KIF23: variants seen among roughly 807,000 people sequenced by gnomAD.
KIF23 encodes the protein kinesin family member 23.
In KIF23, 30 loss-of-function variants were observed where a neutral mutation model predicts 137.5. That is an observed-to-expected ratio of 0.22 (90% CI 0.16 to 0.30). The LOEUF is 0.30. Among genes scored for constraint, KIF23 ranks in the 10% least tolerant of loss-of-function variants. The probability of loss-of-function intolerance (pLI) is 1.00; values close to 1 mark genes in which losing one functional copy is unlikely to be tolerated. For missense variants in KIF23, 920 were observed against 1,194.3 expected, an observed-to-expected ratio of 0.77 and a Z score of 3.38; for synonymous variants, 367 against 391.1, an observed-to-expected ratio of 0.94 and a Z score of 0.73.
At chr15:69,433,123 T>C (rs879693809) in intron 11 of KIF23, among the ~76,000 whole-genome samples, 9 of 152,166 alleles carry the variant, frequency 5.9e-5, no homozygotes, top group African/African-American at 9.7e-5. Context: ...GTTAATAACA[T>C]GAGTTCCTGA....
At position 69,442,090 on chromosome 15, in the gene KIF23, G is replaced by C. The variant is rs73428003; in HGVS notation, c.2421+1011G>C. Among the ~76,000 whole-genome samples the C allele has an allele frequency of 6.3e-3, 957 of 152,180 alleles. 7 individuals carry two copies. Among genetic ancestry groups the C allele is most frequent in the African/African-American group, 0.022 (903 of 41,530 alleles). ...TTTTTCAATCCATGATACTATGAAAGTGTATGCATTGCATATCATGATTAT... is the reference window on the plus strand; with the variant it reads ...TTTTTCAATCCATGATACTATGAAACTGTATGCATTGCATATCATGATTAT... On this transcript the variant is annotated intron_variant, in intron 19 of 23. Transcript: ENST00000679126.
chr15:69,435,198 G>A (rs763373139), intron 11 of KIF23: 4 of 474,114 alleles, frequency 8.4e-6, no homozygotes, highest in South Asian at 8.3e-5. Context: ...AGAGAATTTA[G>A]GATTTGGAAG....
At chr15:69,433,328 T>C (rs1463172928) in intron 11 of KIF23, among the ~76,000 whole-genome samples, 2 of 152,230 alleles carry the variant, frequency 1.3e-5, no homozygotes, top group African/African-American at 2.4e-5. Context: ...CTCATTCTTA[T>C]GGGGTCTAAT....
Position 69,444,598 on chromosome 15 carries a change from G to A in KIF23, c.2422-192G>A. The A allele has an allele frequency of 3.4e-6, 2 of 587,762 alleles. No individual in the cohort carries two copies. The highest frequency in any genetic ancestry group is 5.8e-6 in the Non-Finnish European group (2 of 343,896). The allele number at this position is 587,762 out of a possible 1,614,324, so 36.4% of individuals were successfully genotyped here. On this transcript the variant is annotated intron_variant, in intron 19 of 23. Transcript: ENST00000679126. This position sits in a 1 kb window ranked among gnomAD's most constrained non-coding sequence, Gnocchi z 4.2. The stretch of plus-strand genomic sequence containing the variant: ...AAAGGGAAACTCCCAGATAGAATGT[G>A]TAACATACAAGTTGGTGTTAAAGAT...
In KIF23 at chr15:69,447,921, C is replaced by A; in HGVS notation, c.*114C>A. ...GTAGAACTCCAGCTTTGTTGAAAAT[C>A]ACGGACCTCAGCTACATCATACACT... On this transcript the variant is annotated 3_prime_UTR_variant, in exon 24 of 24. Coordinates refer to ENST00000679126, the MANE Select transcript of KIF23 (RefSeq NM_001367805.3). 2.8e-6 allele frequency: 3 copies of A among 1,087,692 alleles called. No individual in the cohort carries two copies. Among genetic ancestry groups the A allele is most frequent in the Non-Finnish European group, 2.8e-6 (2 of 723,228 alleles). 67.4% of individuals were successfully genotyped at this position (1,087,692 alleles called of 1,614,324 possible).
chr15:69,443,768 C>G lies in KIF23; in HGVS notation c.2422-1022C>G, dbSNP rs564821217. ...ATTTAGCATTCCCAGGTTTACATGA[C>G]ATTTGACTGGAAGCAACTTGTTTGT... On this transcript the variant is annotated intron_variant, in intron 19 of 23. Transcript: ENST00000679126. The G allele has an allele frequency of 2.0e-5, 3 of 151,980 alleles. No homozygotes were observed. In the South Asian group the frequency reaches 6.2e-4, roughly 32 times the overall value. The allele number at this position is 151,980 out of a possible 1,614,324, so 9.4% of individuals were successfully genotyped here. A position where few individuals can be genotyped will look rare whatever the true frequency, so the allele number is the denominator to read the frequency against.
chr15:69,419,790 A>G (rs1396172444), intron 3 of KIF23, among the ~76,000 whole-genome samples: 1 of 152,172 alleles, frequency 6.6e-6, no homozygotes, highest in African/African-American at 2.4e-5. Flanking sequence ...GGTTTTTTGG[A>G]GGAGCAGGTC....
Position 69,426,434 on chromosome 15 carries a change from G to A in KIF23, c.988G>A (p.Ala330Thr), listed in dbSNP as rs1157804939. The change falls in exon 10 of 24, where the codon GCA becomes ACA. Residue 330 changes from alanine (A) to threonine (T), a missense_variant. By Grantham distance (58) the Ala-to-Thr change is moderately conservative. Transcript: ENST00000679126. ...TAAATTAGTTCAGGCTCCCTTGGAT[G>A]CAGATGGAGACAATGTCTTACAGGT... ...NIKLVQAPLDADGDNVLQEKE... is the reference protein window; with the variant it reads ...NIKLVQAPLDTDGDNVLQEKE... The A allele has an allele frequency of 1.9e-6, 3 of 1,614,044 alleles. No individual in the cohort carries two copies. In the African/African-American group the frequency reaches 4.0e-5, roughly 22 times the overall value.
At chr15:69,446,780 A>T in intron 22 of KIF23, 91 bp from the exon 23 acceptor site, 2 of 1,123,336 alleles carry the variant, frequency 1.8e-6, no homozygotes, top group Non-Finnish European at 2.7e-6. Flanking sequence ...GCAATATTGC[A>T]TTTCACCTAG....
rs758672998 is a variant in KIF23 at position 69,447,810 on chromosome 15, T to G, written c.*3T>G. On this transcript the variant is annotated 3_prime_UTR_variant, in exon 24 of 24. Coordinates refer to ENST00000679126, the MANE Select transcript of KIF23 (RefSeq NM_001367805.3). Reference sequence around the variant, plus strand: ...GTTTTAGGCGCAAAAAGCCATGAACTGACAGTCCCAGTACTGAAAGAACAT... The same window carrying G: ...GTTTTAGGCGCAAAAAGCCATGAACGGACAGTCCCAGTACTGAAAGAACAT... 3 of 1,609,566 alleles carry G rather than the reference T, an allele frequency of 1.9e-6. No homozygotes were observed. Among genetic ancestry groups the G allele is most frequent in the East Asian group, 2.2e-5 (1 of 44,804 alleles).
intron 13 of KIF23, 142 bp downstream of exon 13, chr15:69,435,913 G>A (rs549101176): frequency 7.1e-6 from 9 of 1,261,760 alleles, no homozygotes; most frequent in Admixed American, 5.0e-5. Flanking sequence ...TTGGTGTGGT[G>A]GCTTATGCTT....
chr15:69,447,050 T>C, intron 23 of KIF23, 109 bp downstream of exon 23: 1 of 1,077,866 alleles, frequency 9.3e-7, no homozygotes, highest in South Asian at 1.3e-5. Context: ...AAGAAATATA[T>C]GGTTTTGGTT....
intron 16 of KIF23, among the ~76,000 whole-genome samples, chr15:69,438,842 G>A (rs2057544704): frequency 6.6e-6 from 1 of 151,918 alleles, no homozygotes; most frequent in African/African-American, 2.4e-5. Flanking sequence ...GGGGGCTCAT[G>A]CCTGTAGTCT....
intron 6 of KIF23, among the ~76,000 whole-genome samples, 181 bp downstream of exon 6, chr15:69,422,616 G>C (rs1224284423): frequency 6.6e-6 from 1 of 152,110 alleles, no homozygotes; most frequent in Non-Finnish European, 1.5e-5. Flanking sequence ...AGCACATTTT[G>C]TTTCAATCAC....
In KIF23 at chr15:69,421,687, C is replaced by T. The variant is rs1230243818; in HGVS notation, c.251C>T (p.Thr84Ile). The change falls in exon 4 of 24, where the codon ACC becomes ATC. Residue 84 changes from threonine (T) to isoleucine (I), a missense_variant. Coordinates refer to ENST00000679126, the MANE Select transcript of KIF23 (RefSeq NM_001367805.3). ...AAACAAGTATTTGGCACTCACACCA[C>T]CCAGAAGGAACTCTTTGATGTTGTG... ...SFKQVFGTHT[T>I]QKELFDVVAN... The T allele has an allele frequency of 4.3e-6, 7 of 1,613,638 alleles. No individual in the cohort carries two copies. The African/African-American group carries it at 5.3e-5, about 12-fold the overall frequency.
intron 3 of KIF23, among the ~76,000 whole-genome samples, chr15:69,418,659 C>T (rs573763804): frequency 1.2e-4 from 18 of 152,124 alleles, no homozygotes; most frequent in Non-Finnish European, 2.5e-4. Context: ...TCACTGAGAC[C>T]AGAGCTACTG....
chr15:69,427,967 T>C (rs999610948), intron 10 of KIF23, among the ~76,000 whole-genome samples: 1 of 152,054 alleles, frequency 6.6e-6, no homozygotes, highest in Admixed American at 6.5e-5. Flanking sequence ...AGCTAGAAAA[T>C]AGTTATAAGG....
chr15:69,436,359 C>A, intron 14 of KIF23, 98 bp downstream of exon 14: 2 of 1,429,598 alleles, frequency 1.4e-6, no homozygotes, highest in Non-Finnish European at 1.9e-6. Flanking sequence ...GTTTACATAC[C>A]TTCTGAAGAA....
intron 10 of KIF23, among the ~76,000 whole-genome samples, chr15:69,426,998 G>T (rs1424256818): frequency 1.3e-5 from 2 of 152,018 alleles, no homozygotes; most frequent in Non-Finnish European, 2.9e-5. Context: ...ATACAGGAGG[G>T]CTGGGTGCGT....
Sources: allele counts gnomAD v4.1 joint callset (sites outside exome capture counted in the v4.1 genomes callset), GRCh38; gene constraint gnomAD v4.1.1; non-coding constraint Gnocchi (gnomAD v3.1); transcripts MANE v1.5; gene names NCBI Gene and HGNC (gene_info 2026-07-23, HGNC 2026-07-21).